OTP: variants seen among roughly 807,000 people sequenced by gnomAD.
OTP encodes orthopedia homeobox.
A neutral mutation model predicts 22.3 loss-of-function variants in OTP; 5 were observed. The ratio of observed to expected loss-of-function variants is 0.22; its 90% CI spans 0.12 to 0.47. The LOEUF is 0.47. Ranked by LOEUF, OTP falls within the 20% of genes least tolerant of loss-of-function variation. The pLI, the probability that OTP is intolerant of heterozygous loss-of-function variation, is 0.99. For synonymous variants in OTP, 229 were observed against 210.6 expected, an observed-to-expected ratio of 1.09 and a Z score of -0.76; for missense variants, 428 against 456.2, an observed-to-expected ratio of 0.94 and a Z score of 0.56.
intron 2 of OTP, among the ~76,000 whole-genome samples, chr5:77,631,551 CTTTTTTTTT>C (rs70988699): frequency 5.4e-5 from 4 of 74,232 alleles, no homozygotes; most frequent in African/African-American, 1.7e-4. Flanking sequence ...CAACCCTATT[CTTTTTTTTT>C]TTTTTTTTTT....
Position 77,630,420 on chromosome 5 carries a change from G to C in OTP, c.822C>G (p.Pro274=). ...LQSHLYQPAF[P]GMVPASLPGP... The stretch of plus-strand genomic sequence containing the variant: ...CGGGGAGGGAGGCGGGCACCATGCC[G>C]GGGAAGGCGGGCTGGTAGAGGTGCG... The change falls in exon 3 of 3, where the codon CCC becomes CCG. Residue 274 remains proline, a synonymous_variant. Coordinates refer to ENST00000306422, the MANE Select transcript of OTP (RefSeq NM_032109.3). The C allele has an allele frequency of 1.3e-6, 2 of 1,580,734 alleles. No homozygotes were observed. Among genetic ancestry groups the C allele is most frequent in the South Asian group, 1.2e-5 (1 of 86,794 alleles).
At position 77,637,014 on chromosome 5, in the gene OTP, C is replaced by T. The variant is rs764595374; in HGVS notation, c.254G>A (p.Gly85Glu). The change falls in exon 2 of 3, where the codon GGG (glycine) becomes GAG (glutamate). Residue 85 changes from glycine (G) to glutamate (E), a missense_variant. Around this residue, in one of 3 missense-constraint regions of OTP, gnomAD observed 176 missense variants for 162.9 expected, o/e 1.08. Transcript: ENST00000306422. ...GCTGGGGTTCGGGCCGCCCTGGGGC[C>T]CGGGCTGCTTGTCCGGGTCTTTGGC... Reference protein sequence around the residue: ...VSAKDPDKQPGPQGGPNPSQA... With the variant: ...VSAKDPDKQPEPQGGPNPSQA... 21 of 1,613,130 alleles carry T rather than the reference C, an allele frequency of 1.3e-5. No individual in the cohort carries two copies. The Admixed American group carries it at 3.5e-4, about 27-fold the overall frequency.
rs1402933378 is a variant in OTP, at chr5:77,630,717, C to T, written c.525G>A (p.Leu175=). 14 of 1,583,054 alleles carry T rather than the reference C, an allele frequency of 8.8e-6. No homozygotes were observed. Among genetic ancestry groups the T allele is most frequent in the Non-Finnish European group, 1.2e-5 (14 of 1,173,484 alleles). Residue 175 remains leucine, a synonymous_variant, in exon 3 of 3, where the codon CTG becomes CTA. Coordinates refer to ENST00000306422, the MANE Select transcript of OTP (RefSeq NM_032109.3). ...ACTGAGGCAGGCCTGGCGTGGGCAG[C>T]AGTGTGCCGGGCGCACGGAACACGT... is the stretch of plus-strand genomic sequence containing the variant. ...TTNVFRAPGT[L]LPTPGLPQFP...
chr5:77,635,732 T>A (rs1198033192), intron 2 of OTP, among the ~76,000 whole-genome samples: 2 of 152,146 alleles, frequency 1.3e-5, no homozygotes, highest in Non-Finnish European at 2.9e-5. Context: ...GTTTAACAAA[T>A]TGACCAGGTT....
chr5:77,635,084 A>G (rs989514709), intron 2 of OTP, among the ~76,000 whole-genome samples: 39 of 151,970 alleles, frequency 2.6e-4, no homozygotes, highest in African/African-American at 9.5e-4. Flanking sequence ...GTTCAATTAT[A>G]TTTTATTTGT....
chr5:77,633,883 A>T (rs532935415), intron 2 of OTP, among the ~76,000 whole-genome samples: 1 of 152,320 alleles, frequency 6.6e-6, no homozygotes, highest in African/African-American at 2.4e-5. Flanking sequence ...TAAAGCCTAG[A>T]TCTCAGGTTC....
chr5:77,636,949 G>T lies in OTP; in HGVS notation c.319C>A (p.His107Asn), dbSNP rs1485797445. ...QQQGQQKQKR[H>N]RTRFTPAQLN... ...TGTGCGGGGGTGAAGCGCGTCCGGT[G>T]GCGCTTCTGCTTCTGTTGGCCCTGC... Residue 107 changes from histidine to asparagine, a missense_variant, in exon 2 of 3, where the codon CAC (histidine) becomes AAC (asparagine). Around this residue, in one of 3 missense-constraint regions of OTP, gnomAD observed 176 missense variants for 162.9 expected, o/e 1.08. Coordinates refer to ENST00000306422, the MANE Select transcript of OTP (RefSeq NM_032109.3). 6.2e-7 allele frequency: 1 copy of T among 1,614,168 alleles called. No homozygotes were observed. The highest frequency in any genetic ancestry group is 8.5e-7 in the Non-Finnish European group (1 of 1,180,004).
rs1162880149 is a variant in OTP at position 77,630,231 on chromosome 5, G to T, written c.*33C>A. 2.1e-6 allele frequency: 3 copies of T among 1,449,452 alleles called. No individual in the cohort carries two copies. The highest frequency in any genetic ancestry group is 2.7e-6 in the Non-Finnish European group (3 of 1,098,170). 89.8% of individuals were successfully genotyped at this position (1,449,452 alleles called of 1,614,324 possible). Reference sequence around the variant, plus strand: ...GCCTCGGGGCGGCCCCCGGGGCGGTGCTGGGGGCGGAGCGGGCCGGGGCGC... The same window carrying T: ...GCCTCGGGGCGGCCCCCGGGGCGGTTCTGGGGGCGGAGCGGGCCGGGGCGC... On this transcript the variant is annotated 3_prime_UTR_variant, in exon 3 of 3. Transcript: ENST00000306422.
At chr5:77,636,650 G>T in intron 2 of OTP, 171 bp downstream of exon 2, 1 of 623,874 alleles carries the variant, frequency 1.6e-6, no homozygotes, top group Non-Finnish European at 2.7e-6. Flanking sequence ...ATTGGGGGAT[G>T]GCGATGGGGA....
Position 77,630,498 on chromosome 5 carries a change from G to A in OTP, c.744C>T (p.Asn248=). 1 of 1,593,390 alleles carries A rather than the reference G, an allele frequency of 6.3e-7. No homozygotes were observed. Among genetic ancestry groups the A allele is most frequent in the Non-Finnish European group, 8.5e-7 (1 of 1,172,104 alleles). ...QCSLAAGPPP[N]SMGLSNSLAG... is the part of the protein sequence containing the mutation. ...CCAGGCTGTTGGACAGGCCCATGGA[G>A]TTGGGCGGCGGACCGGCCGCCAGGC... Residue 248 remains asparagine, a synonymous_variant, in exon 3 of 3, where the codon AAC becomes AAT. Coordinates refer to ENST00000306422, the MANE Select transcript of OTP (RefSeq NM_032109.3).
Position 77,630,810 on chromosome 5 carries a change from CG to C in OTP, c.448-17del. On this transcript the variant is annotated splice_polypyrimidine_tract_variant and intron_variant, in intron 2 of 2. Transcript: ENST00000306422. ...GGAACCAGACCTGGAGCGGGCGGGG[CG>C]GGAGACAGACAGGGAGCTATTAGCC... The C allele has an allele frequency of 6.6e-7, 1 of 1,512,296 alleles. No homozygotes were observed. The highest frequency in any genetic ancestry group is 1.3e-5 in the South Asian group (1 of 79,986). The allele number at this position is 1,512,296 out of a possible 1,614,324, so 93.7% of individuals were successfully genotyped here. A position where few individuals can be genotyped will look rare whatever the true frequency, so the allele number is the denominator to read the frequency against.
chr5:77,633,674 TAG>T (rs1302769304), intron 2 of OTP, among the ~76,000 whole-genome samples: 4 of 152,204 alleles, frequency 2.6e-5, no homozygotes, highest in African/African-American at 9.7e-5. Context: ...TACAGTAATA[TAG>T]ACATACTGTA....
In OTP at chr5:77,637,287, T is replaced by C. The variant is rs1580066511; in HGVS notation, c.38-57A>G. ...TTCTTGGCGATGCCAGGAGGGGCTGTCTTCCCCGCGCAGCCTTCCTTCAAC... is the reference window on the plus strand; with the variant it reads ...TTCTTGGCGATGCCAGGAGGGGCTGCCTTCCCCGCGCAGCCTTCCTTCAAC... On this transcript the variant is annotated intron_variant, in intron 1 of 2. Transcript: ENST00000306422. The C allele has an allele frequency of 3.2e-5, 47 of 1,451,684 alleles. 1 individual carries two copies. In the East Asian group the frequency reaches 1.1e-3, roughly 35 times the overall value. The allele number at this position is 1,451,684 out of a possible 1,614,324, so 89.9% of individuals were successfully genotyped here.
In OTP at chr5:77,638,595, G is replaced by T. The variant is rs1325388733; in HGVS notation, c.-46C>A. The T allele has an allele frequency of 2.6e-6, 4 of 1,517,162 alleles. No homozygotes were observed. The highest frequency in any genetic ancestry group is 2.8e-5 in the African/African-American group (2 of 70,570). The allele number at this position is 1,517,162 out of a possible 1,614,324, so 94.0% of individuals were successfully genotyped here. A position where few individuals can be genotyped will look rare whatever the true frequency, so the allele number is the denominator to read the frequency against. ...AAGCTGTTCCCCCCCAAATTTTAGCGGCTTTAAGTTATTTAAAATAGATAT... is the reference window on the plus strand; with the variant it reads ...AAGCTGTTCCCCCCCAAATTTTAGCTGCTTTAAGTTATTTAAAATAGATAT... On this transcript the variant is annotated 5_prime_UTR_variant, in exon 1 of 3. Transcript: ENST00000306422.
At chr5:77,636,702 G>A (rs1223982496) in intron 2 of OTP, 119 bp downstream of exon 2, 34 of 986,682 alleles carry the variant, frequency 3.4e-5, no homozygotes, top group Non-Finnish European at 5.1e-5. Flanking sequence ...ATACAGGAAC[G>A]CACAGGCAGC....
chr5:77,629,653 T>C lies in OTP; in HGVS notation c.*611A>G, dbSNP rs774176410. On this transcript the variant is annotated 3_prime_UTR_variant, in exon 3 of 3. Coordinates refer to ENST00000306422, the MANE Select transcript of OTP (RefSeq NM_032109.3). ...GTGTGACCTAGGTGCACCGTGTCTG[T>C]GCGCGCGCGTGTGTAGCGTCTGAGC... 2 of 152,978 alleles carry C rather than the reference T, an allele frequency of 1.3e-5. No homozygotes were observed. Among genetic ancestry groups the C allele is most frequent in the Non-Finnish European group, 2.9e-5 (2 of 68,316 alleles). The allele number at this position is 152,978 out of a possible 1,614,324, so 9.5% of individuals were successfully genotyped here. A position where few individuals can be genotyped will look rare whatever the true frequency, so the allele number is the denominator to read the frequency against.
Position 77,637,144 on chromosome 5 carries a change from G to C in OTP, c.124C>G (p.Pro42Ala). Residue 42 changes from proline (P) to alanine (A), a missense_variant, in exon 2 of 3, where the codon CCG becomes GCG. By Grantham distance (27) the Pro-to-Ala change is conservative. Around this residue, in one of 3 missense-constraint regions of OTP, gnomAD observed 176 missense variants for 162.9 expected, o/e 1.08. Coordinates refer to ENST00000306422, the MANE Select transcript of OTP (RefSeq NM_032109.3). ...TCAGAGTTGGGCGCCAGGTCCCCCG[G>C]ATGGCCCCCGGGGTCGGAGCCCCCC... ...GVGGSDPGGH[P>A]GDLAPNSDPV... 1.3e-6 allele frequency: 2 copies of C among 1,597,720 alleles called. No homozygotes were observed. The highest frequency in any genetic ancestry group is 1.1e-5 in the South Asian group (1 of 89,208).
intron 2 of OTP, 177 bp downstream of exon 2, chr5:77,636,644 G>A (rs1580065967): frequency 1.6e-6 from 1 of 612,936 alleles, no homozygotes; most frequent in Non-Finnish European, 2.8e-6. Flanking sequence ...GTGTCCATTG[G>A]GGGATGGCGA....
Position 77,637,040 on chromosome 5 carries a change from G to T in OTP, c.228C>A (p.Ser76Arg). Residue 76 changes from serine to arginine, a missense_variant, in exon 2 of 3, where the codon AGC becomes AGA. By Grantham distance (110) the Ser-to-Arg change is moderately radical. This residue lies in a region of OTP where 176 missense variants were observed against 162.9 expected (regional missense o/e 1.08). Coordinates refer to ENST00000306422, the MANE Select transcript of OTP (RefSeq NM_032109.3). ...CGGGCTGCTTGTCCGGGTCTTTGGC[G>T]CTCACCGCCAGCGAGGCCGGAGTAG... Reference protein sequence around the residue: ...VGSTPASLAVSAKDPDKQPGP... With the variant: ...VGSTPASLAVRAKDPDKQPGP... 1.9e-6 allele frequency: 3 copies of T among 1,612,814 alleles called. No individual in the cohort carries two copies. Among genetic ancestry groups the T allele is most frequent in the South Asian group, 1.1e-5 (1 of 91,014 alleles).
Sources: allele counts gnomAD v4.1 joint callset (sites outside exome capture counted in the v4.1 genomes callset), GRCh38; gene constraint gnomAD v4.1.1; regional missense constraint gnomAD v4.1.1; transcripts MANE v1.5; gene names NCBI Gene and HGNC (gene_info 2026-07-23, HGNC 2026-07-21).